The following CHRM3 variants were observed in gnomAD, a reference collection of about 807,000 sequenced individuals.
CHRM3 encodes the protein muscarinic acetylcholine receptor M3.
CHRM3 carries 11 observed loss-of-function variants against 41.8 expected under a neutral mutation model. That is an observed-to-expected ratio of 0.26 (90% confidence interval 0.17 to 0.44). The LOEUF (loss-of-function observed/expected upper bound fraction) is 0.44. Ranked by LOEUF, CHRM3 falls within the 20% of genes least tolerant of loss-of-function variation. The pLI is 1.00. For missense variants in CHRM3, 571 were observed against 745.4 expected, an observed-to-expected ratio of 0.77 and a Z score of 2.72; for synonymous variants, 297 against 301.4, an observed-to-expected ratio of 0.99 and a Z score of 0.15.
chr1:239,799,572 C>G (rs978474487), intron 5 of CHRM3, among the ~76,000 whole-genome samples: 2 of 152,174 alleles, frequency 1.3e-5, no homozygotes, highest in Admixed American at 6.5e-5. Context: ...ACAGGTCACA[C>G]TTTGCCACTA....
At chr1:239,865,963 G>A (rs916522154) in intron 6 of CHRM3, among the ~76,000 whole-genome samples, 8 of 152,036 alleles carry the variant, frequency 5.3e-5, no homozygotes, top group Admixed American at 1.3e-4. Flanking sequence ...CTCCCACAAG[G>A]GTCTATTTTC....
chr1:239,756,688 GT>G (rs1253037541), intron 5 of CHRM3, among the ~76,000 whole-genome samples: 2 of 152,106 alleles, frequency 1.3e-5, no homozygotes, highest in Non-Finnish European at 2.9e-5. Flanking sequence ...TGGCTGACCT[GT>G]TTTCTATGTG....
intron 4 of CHRM3, among the ~76,000 whole-genome samples, chr1:239,647,793 G>T (rs79019174): frequency 0.011 from 1,633 of 152,146 alleles, 16 homozygotes; most frequent in Non-Finnish European, 0.015. Context: ...TCAAAAATGA[G>T]AAACATCCCT....
intron 1 of CHRM3, among the ~76,000 whole-genome samples, chr1:239,475,504 A>G (rs1362344825): frequency 6.6e-6 from 1 of 152,140 alleles, no homozygotes; most frequent in Non-Finnish European, 1.5e-5. Context: ...TTTTGAGGTC[A>G]TCAAAAATAA....
chr1:239,598,061 C>T (rs1261082477), intron 3 of CHRM3, among the ~76,000 whole-genome samples: 1 of 152,030 alleles, frequency 6.6e-6, no homozygotes, highest in Non-Finnish European at 1.5e-5. Flanking sequence ...ATAGAAAACA[C>T]AGCCCAGGGC....
chr1:239,697,088 G>A (rs1416059845), intron 5 of CHRM3, among the ~76,000 whole-genome samples: 1 of 152,154 alleles, frequency 6.6e-6, no homozygotes, highest in African/African-American at 2.4e-5. Flanking sequence ...TTGTAAACAT[G>A]AAGTAAAGTA....
chr1:239,815,151 A>C (rs1671473135), intron 5 of CHRM3, among the ~76,000 whole-genome samples: 1 of 152,162 alleles, frequency 6.6e-6, no homozygotes, highest in South Asian at 2.1e-4. Flanking sequence ...GCACTGTGTC[A>C]TGTTATTGGA....
chr1:239,617,822 C>T (rs918788664), intron 3 of CHRM3, among the ~76,000 whole-genome samples: 5 of 152,080 alleles, frequency 3.3e-5, no homozygotes, highest in Non-Finnish European at 1.5e-5. Flanking sequence ...TCATTTCTGT[C>T]GCCTTCTTCA....
chr1:239,766,708 GATA>G (rs1558102127), intron 5 of CHRM3, among the ~76,000 whole-genome samples: 1 of 89,262 alleles, frequency 1.1e-5, no homozygotes, highest in African/African-American at 2.8e-5. Context: ...TATAGATATA[GATA>G]TAGATATAAT....
chr1:239,424,821 G>A (rs1019711991), intron 1 of CHRM3, among the ~76,000 whole-genome samples: 2 of 152,136 alleles, frequency 1.3e-5, no homozygotes, highest in Non-Finnish European at 2.9e-5. Context: ...GATCATGTAG[G>A]GCTCTTTAAG....
chr1:239,514,169 A>T (rs1450942231), intron 2 of CHRM3, among the ~76,000 whole-genome samples: 1 of 152,136 alleles, frequency 6.6e-6, no homozygotes, highest in Non-Finnish European at 1.5e-5. Flanking sequence ...GTATTATAAA[A>T]TATCTTGCTG....
chr1:239,425,437 TAA>T (rs374556598), intron 1 of CHRM3, among the ~76,000 whole-genome samples: 2 of 146,924 alleles, frequency 1.4e-5, no homozygotes, highest in African/African-American at 5.0e-5. Context: ...CTTACCAAAG[TAA>T]AAAAAAAAAC....
chr1:239,910,932 T>A lies in CHRM3; in HGVS notation c.*1708T>A, dbSNP rs936288422. The A allele has an allele frequency of 1.2e-5, 2 of 167,068 alleles. No individual in the cohort carries two copies. The highest frequency in any genetic ancestry group is 4.8e-5 in the African/African-American group (2 of 41,446). 10.3% of individuals were successfully genotyped at this position (167,068 alleles called of 1,614,324 possible). On this transcript the variant is annotated 3_prime_UTR_variant, in exon 7 of 7. Transcript: ENST00000676153. ...CTGAACTATTTAATTTCGTGTTATG[T>A]TTATATGCAGAAATATTTATGGATA...
chr1:239,789,385 GA>G (rs1669163582), intron 5 of CHRM3, among the ~76,000 whole-genome samples: 1 of 152,204 alleles, frequency 6.6e-6, no homozygotes. Context: ...TCATTAAGCA[GA>G]ACACCACTGT....
At chr1:239,862,953 A>T (rs10802809) in intron 6 of CHRM3, among the ~76,000 whole-genome samples, 57,014 of 151,756 alleles carry the variant, frequency 0.38, 10,751 homozygotes, top group Admixed American at 0.45. Flanking sequence ...GACAATTTTC[A>T]CTCTAACCTT....
chr1:239,667,316 A>G (rs1276218653), intron 4 of CHRM3, among the ~76,000 whole-genome samples: 1 of 152,150 alleles, frequency 6.6e-6, no homozygotes, highest in Non-Finnish European at 1.5e-5. Flanking sequence ...GCCTTATAAA[A>G]ATAAGTTCTC....
chr1:239,595,230 A>G (rs1002666864), intron 3 of CHRM3, among the ~76,000 whole-genome samples: 4 of 152,198 alleles, frequency 2.6e-5, no homozygotes, highest in Non-Finnish European at 5.9e-5. Flanking sequence ...TAATCTGGAG[A>G]TTATTTAAAG....
At chr1:239,772,310 C>A (rs913468609) in intron 5 of CHRM3, among the ~76,000 whole-genome samples, 1 of 152,066 alleles carries the variant, frequency 6.6e-6, no homozygotes, top group Non-Finnish European at 1.5e-5. Flanking sequence ...ACCGCCACAA[C>A]CGGATAATTT....
intron 5 of CHRM3, among the ~76,000 whole-genome samples, chr1:239,682,792 A>G (rs1658696221): frequency 6.6e-6 from 1 of 152,164 alleles, no homozygotes; most frequent in African/African-American, 2.4e-5. Flanking sequence ...GTTAATGTCT[A>G]CTTACTGTTT....
Sources: allele counts gnomAD v4.1 joint callset (sites outside exome capture counted in the v4.1 genomes callset), GRCh38; gene constraint gnomAD v4.1.1; transcripts MANE v1.5; gene names NCBI Gene and HGNC (gene_info 2026-07-23, HGNC 2026-07-21).